The following PXDC1 variants were observed in gnomAD, a reference collection of about 807,000 sequenced individuals.
The protein encoded by PXDC1 is PX domain-containing protein 1.
PXDC1 carries 13 observed loss-of-function variants against 24.4 expected under a neutral mutation model. The ratio of observed to expected loss-of-function variants is 0.53; its 90% CI spans 0.35 to 0.85. The LOEUF (loss-of-function observed/expected upper bound fraction) is 0.85. Ranked by LOEUF, PXDC1 falls within the 40% of genes least tolerant of loss-of-function variation. The pLI is 0.01. For synonymous variants in PXDC1, 162 were observed against 124.9 expected, an observed-to-expected ratio of 1.30 and a Z score of -1.98; for missense variants, 344 against 309.3, an observed-to-expected ratio of 1.11 and a Z score of -0.84.
intron 3 of PXDC1, among the ~76,000 whole-genome samples, chr6:3,735,232 A>G (rs1042686123): frequency 6.6e-6 from 1 of 152,258 alleles, no homozygotes; most frequent in Non-Finnish European, 1.5e-5. Flanking sequence ...TAAACAAAAC[A>G]GCATGGTACT....
rs540985244 is a variant in PXDC1 at position 3,725,149 on chromosome 6, G to C, written c.579-1413C>G. On this transcript the variant is annotated intron_variant, in intron 4 of 4. Coordinates refer to ENST00000380283, the MANE Select transcript of PXDC1 (RefSeq NM_183373.4). The surrounding 1 kb of genome is among the most constrained non-coding windows in gnomAD (Gnocchi z 4.8). ...CAGGGCTGGATGGAAACCCAAGGGG[G>C]AACCTTGGGCGTGCCGAAAGGTTCA... Among the ~76,000 whole-genome samples the C allele has an allele frequency of 6.6e-5, 10 of 152,230 alleles. No individual in the cohort carries two copies. Among genetic ancestry groups the C allele is most frequent in the African/African-American group, 2.4e-4 (10 of 41,544 alleles).
intron 1 of PXDC1, among the ~76,000 whole-genome samples, chr6:3,748,348 G>A (rs1182828152): frequency 2.0e-5 from 3 of 152,122 alleles, no homozygotes; most frequent in Non-Finnish European, 4.4e-5. Context: ...GAAGAAGGTC[G>A]GGTGGGAGAG....
intron 4 of PXDC1, 82 bp from the exon 5 acceptor site, chr6:3,723,818 T>A: frequency 9.5e-7 from 1 of 1,057,610 alleles, no homozygotes; most frequent in South Asian, 1.3e-5. Context: ...TGAGCATGAC[T>A]TTCAATGCCC....
rs1581238644 is a variant in PXDC1 at position 3,724,192 on chromosome 6, G to C, written c.579-456C>G. 6.6e-6 allele frequency among the ~76,000 whole-genome samples: 1 copy of C among 152,144 alleles called. No individual in the cohort carries two copies. ...CACGGACGCACAGGAGGCTGCGAGG[G>C]AACAGGAGGCTGGAGAAGAGCCGGC... On this transcript the variant is annotated intron_variant, in intron 4 of 4. Coordinates refer to ENST00000380283, the MANE Select transcript of PXDC1 (RefSeq NM_183373.4). The surrounding 1 kb of genome is among the most constrained non-coding windows in gnomAD (Gnocchi z 4.5).
At chr6:3,734,367 C>G (rs1189678180) in intron 3 of PXDC1, among the ~76,000 whole-genome samples, 1 of 152,214 alleles carries the variant, frequency 6.6e-6, no homozygotes, top group Non-Finnish European at 1.5e-5. Flanking sequence ...ACTAAGAGGA[C>G]TCTGCTGCTC....
intron 3 of PXDC1, among the ~76,000 whole-genome samples, chr6:3,733,212 G>A (rs759821827): frequency 1.3e-5 from 2 of 152,190 alleles, no homozygotes; most frequent in Non-Finnish European, 2.9e-5. Flanking sequence ...GGGGACGCAT[G>A]AGAGAAAGCC....
intron 1 of PXDC1, chr6:3,738,674 TG>T: frequency 4.0e-6 from 3 of 759,466 alleles, no homozygotes; most frequent in Non-Finnish European, 5.7e-6. Flanking sequence ...GATCTCTGCC[TG>T]GACAAAACCA....
rs754642144 is a variant in PXDC1 at position 3,728,315 on chromosome 6, T to C, written c.467-653A>G. ...AACCCAAAGTCCATGATATCATTCT[T>C]ATGCCTTCGCATCCTCATAGCTTAG... On this transcript the variant is annotated intron_variant, in intron 3 of 4. Coordinates refer to ENST00000380283, the MANE Select transcript of PXDC1 (RefSeq NM_183373.4). The surrounding 1 kb of genome is among the most constrained non-coding windows in gnomAD (Gnocchi z 4.0). Among the ~76,000 whole-genome samples, 1 of 152,226 alleles carries C rather than the reference T, an allele frequency of 6.6e-6. No individual in the cohort carries two copies. The highest frequency in any genetic ancestry group is 2.4e-5 in the African/African-American group (1 of 41,458).
chr6:3,751,629 C>G lies in PXDC1; in HGVS notation c.-98G>C. 1 of 1,343,552 alleles carries G rather than the reference C, an allele frequency of 7.4e-7. No individual in the cohort carries two copies. Among genetic ancestry groups the G allele is most frequent in the Non-Finnish European group, 9.5e-7 (1 of 1,053,208 alleles). The allele number at this position is 1,343,552 out of a possible 1,614,324, so 83.2% of individuals were successfully genotyped here. A position where few individuals can be genotyped will look rare whatever the true frequency, so the allele number is the denominator to read the frequency against. On this transcript the variant is annotated 5_prime_UTR_variant, in exon 1 of 5. Coordinates refer to ENST00000380283, the MANE Select transcript of PXDC1 (RefSeq NM_183373.4). ...GGGGTCGTCCCGGGTCTGTCCGTGGCCGGGGTCGTCCGGGGTCGGCCCGTC... is the reference window on the plus strand; with the variant it reads ...GGGGTCGTCCCGGGTCTGTCCGTGGGCGGGGTCGTCCGGGGTCGGCCCGTC...
rs549182542 is a variant in PXDC1, at chr6:3,725,358, G to A, written c.579-1622C>T. ...TCCCCACAGAACCGCCCAGTGCCTCGGCCCTGGATGACCTCCCAGAAGCCA... is the reference window on the plus strand; with the variant it reads ...TCCCCACAGAACCGCCCAGTGCCTCAGCCCTGGATGACCTCCCAGAAGCCA... On this transcript the variant is annotated intron_variant, in intron 4 of 4. Transcript: ENST00000380283. This position sits in a 1 kb window ranked among gnomAD's most constrained non-coding sequence, Gnocchi z 4.8. Among the ~76,000 whole-genome samples, 37 of 152,268 alleles carry A rather than the reference G, an allele frequency of 2.4e-4. No homozygotes were observed. Among genetic ancestry groups the A allele is most frequent in the South Asian group, 4.1e-4 (2 of 4,822 alleles).
intron 1 of PXDC1, chr6:3,738,684 C>T (rs1760384900): frequency 2.2e-6 from 2 of 924,234 alleles, no homozygotes; most frequent in South Asian, 3.0e-5. Context: ...TGGACAAAAC[C>T]AAAGTGGACA....
chr6:3,751,300 G>A lies in PXDC1; in HGVS notation c.232C>T (p.Leu78=), dbSNP rs1376627410. Residue 78 remains leucine, a synonymous_variant, in exon 1 of 5, where the codon CTG becomes TTG. Coordinates refer to ENST00000380283, the MANE Select transcript of PXDC1 (RefSeq NM_183373.4). ...RDAFPEDRSE[L]AQGPLRQGLV... ...CCTTGCCGCAGCGGCCCCTGCGCCA[G>A]TTCGGACCGGTCCTCGGGAAAGGCG... The A allele has an allele frequency of 6.5e-7, 1 of 1,537,838 alleles. No homozygotes were observed. Among genetic ancestry groups the A allele is most frequent in the Non-Finnish European group, 8.7e-7 (1 of 1,147,476 alleles).
chr6:3,732,502 C>T (rs1240751165), intron 3 of PXDC1, among the ~76,000 whole-genome samples: 2 of 152,232 alleles, frequency 1.3e-5, no homozygotes, highest in African/African-American at 4.8e-5. Context: ...TCCAAGTTGC[C>T]AGATCGAAGC....
At chr6:3,749,330 T>C (rs1009900295) in intron 1 of PXDC1, among the ~76,000 whole-genome samples, 9 of 151,596 alleles carry the variant, frequency 5.9e-5, no homozygotes, top group Non-Finnish European at 8.8e-5. Context: ...CCACCATCAT[T>C]CTGACCCCTA....
intron 3 of PXDC1, among the ~76,000 whole-genome samples, chr6:3,732,947 G>A (rs1367797316): frequency 6.6e-6 from 1 of 152,236 alleles, no homozygotes; most frequent in Non-Finnish European, 1.5e-5. Context: ...GACAGCAGTG[G>A]ACAGGCAGGT....
rs576279046 is a variant in PXDC1, at chr6:3,723,829, G to C, written c.579-93C>G. 96 of 940,460 alleles carry C rather than the reference G, an allele frequency of 1.0e-4. No individual in the cohort carries two copies. The South Asian group carries it at 1.3e-3, about 13-fold the overall frequency. The allele number at this position is 940,460 out of a possible 1,614,324, so 58.3% of individuals were successfully genotyped here. ...ACCATGAGCATGACTTTCAATGCCC[G>C]CTAGTAAGTGTGCAAAAAAACCACG... is the stretch of plus-strand genomic sequence containing the variant. On this transcript the variant is annotated intron_variant, in intron 4 of 4. Transcript: ENST00000380283.
chr6:3,749,714 T>G (rs1760656151), intron 1 of PXDC1, among the ~76,000 whole-genome samples: 1 of 152,092 alleles, frequency 6.6e-6, no homozygotes, highest in South Asian at 2.1e-4. Flanking sequence ...CCCTCTACCA[T>G]GCCTTTCAGT....
intron 4 of PXDC1, 93 bp downstream of exon 4, chr6:3,727,458 C>T: frequency 1.2e-6 from 1 of 846,974 alleles, no homozygotes; most frequent in Non-Finnish European, 1.9e-6. Flanking sequence ...GCTCTGGGCA[C>T]CCACTTCCTT....
rs1443008502 is a variant in PXDC1 at position 3,737,617 on chromosome 6, A to G, written c.349-421T>C. On this transcript the variant is annotated intron_variant, in intron 2 of 4. Coordinates refer to ENST00000380283, the MANE Select transcript of PXDC1 (RefSeq NM_183373.4). This position sits in a 1 kb window ranked among gnomAD's most constrained non-coding sequence, Gnocchi z 5.5. ...CTCACGACGAAGCCCGCAGGCTTAC[A>G]TGGAAAGGGAGTTGACGGTCAAATC... 2 of 983,414 alleles carry G rather than the reference A, an allele frequency of 2.0e-6. No individual in the cohort carries two copies. The highest frequency in any genetic ancestry group is 2.4e-6 in the Non-Finnish European group (2 of 828,104). 60.9% of individuals were successfully genotyped at this position (983,414 alleles called of 1,614,324 possible). A position where few individuals can be genotyped will look rare whatever the true frequency, so the allele number is the denominator to read the frequency against.
Sources: allele counts gnomAD v4.1 joint callset (sites outside exome capture counted in the v4.1 genomes callset), GRCh38; gene constraint gnomAD v4.1.1; non-coding constraint Gnocchi (gnomAD v3.1); transcripts MANE v1.5; gene names NCBI Gene and HGNC (gene_info 2026-07-23, HGNC 2026-07-21).